The following GRIN2B variants were observed in gnomAD, a reference collection of about 807,000 sequenced individuals.
GRIN2B encodes the protein glutamate ionotropic receptor NMDA type subunit 2B.
GRIN2B carries 5 observed loss-of-function variants against 114.5 expected under a neutral mutation model. The ratio of observed to expected loss-of-function variants is 0.04; its 90% confidence interval spans 0.02 to 0.09. The LOEUF (loss-of-function observed/expected upper bound fraction) is 0.09, where lower values mean the gene tolerates loss of function less well. Among genes scored for constraint, GRIN2B ranks in the 10% least tolerant of loss-of-function variants. GRIN2B has a pLI of 1.00. For synonymous variants in GRIN2B, 787 were observed against 745.1 expected (o/e 1.06, Z -0.92); for missense variants, 1,108 against 1,943.5 (o/e 0.57, Z 8.08).
intron 2 of GRIN2B, among the ~76,000 whole-genome samples, chr12:13,964,220 C>T (rs1224669595): frequency 2.6e-5 from 4 of 152,174 alleles, no homozygotes; most frequent in South Asian, 2.1e-4. Flanking sequence ...TTGGCTCACC[C>T]GTGTCTGGGC....
chr12:13,608,470 T>A (rs1949317812), intron 10 of GRIN2B, 133 bp downstream of exon 10: 1 of 715,484 alleles, frequency 1.4e-6, no homozygotes, highest in Non-Finnish European at 2.5e-6. Context: ...TACTCCCATG[T>A]TCCAATACAA....
At chr12:13,795,009 T>G (rs1375228268) in intron 3 of GRIN2B, among the ~76,000 whole-genome samples, 1 of 152,232 alleles carries the variant, frequency 6.6e-6, no homozygotes, top group African/African-American at 2.4e-5. Context: ...CAGAGCCCTA[T>G]GATTCTTTGG....
At chr12:13,611,252 T>G (rs1476486951) in intron 9 of GRIN2B, among the ~76,000 whole-genome samples, 1 of 152,156 alleles carries the variant, frequency 6.6e-6, no homozygotes, top group Admixed American at 6.5e-5. Context: ...GCATATGCTT[T>G]GGAGATCTGG....
At position 13,575,185 on chromosome 12, in the gene GRIN2B, A is replaced by C. The variant is rs546418885; in HGVS notation, c.2011-3221T>G. Among the ~76,000 whole-genome samples the C allele has an allele frequency of 1.4e-3, 206 of 152,368 alleles. 2 individuals are homozygous for C. Among genetic ancestry groups the C allele is most frequent in the Middle Eastern group, 6.8e-3 (2 of 294 alleles). ...CACCAAAAGCACAATCCACCAAAAA[A>C]GGTAAACGATAAATTGGAGTTCATA... is the stretch of plus-strand genomic sequence containing the variant. On this transcript the variant is annotated intron_variant, in intron 10 of 13. Transcript: ENST00000609686.
At chr12:13,890,655 A>G (rs554984025) in intron 2 of GRIN2B, among the ~76,000 whole-genome samples, 2 of 152,274 alleles carry the variant, frequency 1.3e-5, no homozygotes, top group East Asian at 3.9e-4. Context: ...AGGCTTGTTG[A>G]CAGTATGGGA....
At chr12:13,845,074 T>C (rs1345380295) in intron 3 of GRIN2B, among the ~76,000 whole-genome samples, 3 of 152,176 alleles carry the variant, frequency 2.0e-5, no homozygotes, top group Non-Finnish European at 2.9e-5. Flanking sequence ...GTAAAGGGGC[T>C]GACTTCAGGG....
chr12:13,772,936 C>T (rs1863933249), intron 3 of GRIN2B, among the ~76,000 whole-genome samples: 1 of 152,182 alleles, frequency 6.6e-6, no homozygotes, highest in South Asian at 2.1e-4. Context: ...CACCCACATC[C>T]TCAAAGGTGA....
chr12:13,802,393 A>C (rs1400293257), intron 3 of GRIN2B, among the ~76,000 whole-genome samples: 2 of 152,124 alleles, frequency 1.3e-5, no homozygotes, highest in African/African-American at 2.4e-5. Flanking sequence ...ATTAATGGAG[A>C]GTAATTTGAT....
intron 3 of GRIN2B, among the ~76,000 whole-genome samples, chr12:13,836,867 G>A (rs914453633): frequency 6.6e-6 from 1 of 152,208 alleles, no homozygotes; most frequent in African/African-American, 2.4e-5. Flanking sequence ...AGTGGTGTGT[G>A]TCATAGGTGT....
intron 3 of GRIN2B, among the ~76,000 whole-genome samples, chr12:13,754,483 T>G (rs896653752): frequency 6.6e-6 from 1 of 151,992 alleles, no homozygotes; most frequent in African/African-American, 2.4e-5. Context: ...TCTACGGAGG[T>G]GAGATAAGCT....
At chr12:13,623,390 T>A in intron 5 of GRIN2B, among the ~76,000 whole-genome samples, 1 of 152,236 alleles carries the variant, frequency 6.6e-6, no homozygotes, top group East Asian at 1.9e-4. Context: ...TACAACAGTT[T>A]GCAACAATTG....
intron 5 of GRIN2B, among the ~76,000 whole-genome samples, chr12:13,662,996 G>C (rs1011117675): frequency 6.6e-6 from 1 of 152,100 alleles, no homozygotes. Context: ...ATGTTTTATA[G>C]GTCAAAACTC....
At chr12:13,904,358 A>G (rs982544248) in intron 2 of GRIN2B, among the ~76,000 whole-genome samples, 1 of 152,070 alleles carries the variant, frequency 6.6e-6, no homozygotes, top group African/African-American at 2.4e-5. Flanking sequence ...TTAATTTATC[A>G]AAGTTTAGAG....
chr12:13,922,167 A>G (rs1022086037), intron 2 of GRIN2B, among the ~76,000 whole-genome samples: 1 of 152,178 alleles, frequency 6.6e-6, no homozygotes, highest in African/African-American at 2.4e-5. Context: ...AGTGTAAAAT[A>G]TGCTTAGGTT....
chr12:13,561,492 A>G lies in GRIN2B; in HGVS notation c.*1291T>C, dbSNP rs563447875. ...GTTGTAATCAGTTTTGGGGGGAAGA[A>G]GCCTGCTCGTCTAGCTTCAGGTTAA... On this transcript the variant is annotated 3_prime_UTR_variant, in exon 14 of 14. Coordinates refer to ENST00000609686, the MANE Select transcript of GRIN2B (RefSeq NM_000834.5). 1.3e-5 allele frequency: 2 copies of G among 152,718 alleles called. No homozygotes were observed. The highest frequency in any genetic ancestry group is 3.9e-4 in the East Asian group (2 of 5,156). The allele number at this position is 152,718 out of a possible 1,614,324, so 9.5% of individuals were successfully genotyped here. A position where few individuals can be genotyped will look rare whatever the true frequency, so the allele number is the denominator to read the frequency against.
In GRIN2B at chr12:13,575,506, A is replaced by G. The variant is rs560264721; in HGVS notation, c.2011-3542T>C. 3.3e-5 allele frequency among the ~76,000 whole-genome samples: 5 copies of G among 152,084 alleles called. No homozygotes were observed. In the South Asian group the frequency reaches 1.0e-3, roughly 32 times the overall value. Reference sequence around the variant, plus strand: ...AAATCCCATCTCTACCAAAAATATAAAAATTAGCCGTGCGTGGTGGCATGC... The same window carrying G: ...AAATCCCATCTCTACCAAAAATATAGAAATTAGCCGTGCGTGGTGGCATGC... On this transcript the variant is annotated intron_variant, in intron 10 of 13. Transcript: ENST00000609686.
At chr12:13,661,394 C>T (rs1949922662) in intron 5 of GRIN2B, among the ~76,000 whole-genome samples, 1 of 152,216 alleles carries the variant, frequency 6.6e-6, no homozygotes. Context: ...TTCTACACTT[C>T]CAGGGTACAT....
intron 3 of GRIN2B, among the ~76,000 whole-genome samples, chr12:13,795,490 T>C (rs535945805): frequency 6.6e-6 from 1 of 152,336 alleles, no homozygotes; most frequent in East Asian, 1.9e-4. Flanking sequence ...GATGGGCATA[T>C]TGATAATGCA....
chr12:13,602,652 A>G (rs1417061806), intron 10 of GRIN2B, among the ~76,000 whole-genome samples: 1 of 152,192 alleles, frequency 6.6e-6, no homozygotes, highest in Non-Finnish European at 1.5e-5. Flanking sequence ...ATATTGATTT[A>G]AAAGTCATGC....
Sources: allele counts gnomAD v4.1 joint callset (sites outside exome capture counted in the v4.1 genomes callset), GRCh38; gene constraint gnomAD v4.1.1; transcripts MANE v1.5; gene names NCBI Gene and HGNC (gene_info 2026-07-23, HGNC 2026-07-21).